Variants in TBC1D4 observed in about 807,000 individuals in gnomAD.
TBC1D4 encodes TBC1 domain family member 4.
A neutral mutation model predicts 142.5 loss-of-function variants in TBC1D4; 121 were observed. The ratio of observed to expected loss-of-function variants is 0.85; its 90% CI spans 0.73 to 0.99. The LOEUF is 0.99. Ranked by LOEUF, TBC1D4 falls within the 50% of genes least tolerant of loss-of-function variation. The pLI, the probability that TBC1D4 is intolerant of heterozygous loss-of-function variation, is 0.00. For synonymous variants in TBC1D4, 630 were observed against 628.2 expected (o/e 1.00, Z -0.04); for missense variants, 1,475 against 1,606.6 (o/e 0.92, Z 1.40).
intron 18 of TBC1D4, among the ~76,000 whole-genome samples, chr13:75,293,452 A>C (rs945621310): frequency 6.6e-6 from 1 of 152,110 alleles, no homozygotes; most frequent in Non-Finnish European, 1.5e-5. Context: ...TGTTTCTTGA[A>C]CTCTTGATAT....
chr13:75,458,713 G>A (rs1046432385), intron 1 of TBC1D4, among the ~76,000 whole-genome samples: 1 of 151,854 alleles, frequency 6.6e-6, no homozygotes, highest in East Asian at 2.0e-4. Context: ...ATTTCTACAA[G>A]TATAATTTTT....
At chr13:75,377,118 A>G (rs1883555181) in intron 1 of TBC1D4, 1 of 152,248 alleles carries the variant, frequency 6.6e-6, no homozygotes, top group African/African-American at 2.4e-5. Context: ...TCAGTGCAAC[A>G]CAAGATTCTC....
At chr13:75,374,236 C>T (rs1213334174) in intron 1 of TBC1D4, among the ~76,000 whole-genome samples, 1 of 152,092 alleles carries the variant, frequency 6.6e-6, no homozygotes, top group African/African-American at 2.4e-5. Flanking sequence ...TCTCCCTCCA[C>T]AGAACTCAAT....
chr13:75,409,828 A>G (rs1885529389), intron 1 of TBC1D4, among the ~76,000 whole-genome samples: 1 of 152,336 alleles, frequency 6.6e-6, no homozygotes, highest in Admixed American at 6.5e-5. Flanking sequence ...ATAGCTATAA[A>G]GGTCCCTTCT....
chr13:75,359,684 G>T, intron 3 of TBC1D4, 85 bp downstream of exon 3: 1 of 1,062,904 alleles, frequency 9.4e-7, no homozygotes, highest in Non-Finnish European at 1.4e-6. Flanking sequence ...ATTAAAATTT[G>T]AAGGGGGTCA....
At chr13:75,468,737 C>T (rs577872230) in intron 1 of TBC1D4, among the ~76,000 whole-genome samples, 36 of 152,290 alleles carry the variant, frequency 2.4e-4, no homozygotes, top group Non-Finnish European at 4.4e-4. Context: ...AACAAACATA[C>T]ATCTTTGCCA....
At chr13:75,439,631 TGGCAAG>T (rs1480553693) in intron 1 of TBC1D4, among the ~76,000 whole-genome samples, 30 of 152,304 alleles carry the variant, frequency 2.0e-4, no homozygotes, top group African/African-American at 6.5e-4. Flanking sequence ...TTAGAAAAAC[TGGCAAG>T]GTTTTTGTTG....
intron 1 of TBC1D4, among the ~76,000 whole-genome samples, chr13:75,367,416 AC>A (rs1404649220): frequency 6.6e-6 from 1 of 152,198 alleles, no homozygotes; most frequent in African/African-American, 2.4e-5. Context: ...ACATATTTAA[AC>A]AAAAAAGAAC....
intron 8 of TBC1D4, among the ~76,000 whole-genome samples, chr13:75,332,112 T>A (rs548154128): frequency 5.3e-5 from 8 of 152,320 alleles, no homozygotes; most frequent in African/African-American, 1.7e-4. Flanking sequence ...AAAAAAGACT[T>A]CAAAGTTGGC....
At chr13:75,316,395 A>T (rs1878320857) in intron 12 of TBC1D4, 1 of 152,202 alleles carries the variant, frequency 6.6e-6, no homozygotes, top group Non-Finnish European at 1.5e-5. Flanking sequence ...CCATGTCTGG[A>T]ATTTACTGAC....
At chr13:75,428,869 T>C (rs1241800366) in intron 1 of TBC1D4, among the ~76,000 whole-genome samples, 1 of 152,192 alleles carries the variant, frequency 6.6e-6, no homozygotes, top group East Asian at 1.9e-4. Flanking sequence ...CTCCCATATT[T>C]CCAGCCATGA....
At chr13:75,475,088 G>A (rs1046803870) in intron 1 of TBC1D4, among the ~76,000 whole-genome samples, 1 of 152,140 alleles carries the variant, frequency 6.6e-6, no homozygotes, top group African/African-American at 2.4e-5. Context: ...CTCAATAAAC[G>A]TTCACTTTTA....
At chr13:75,331,450 T>C (rs931189045) in intron 8 of TBC1D4, among the ~76,000 whole-genome samples, 1 of 152,116 alleles carries the variant, frequency 6.6e-6, no homozygotes, top group Non-Finnish European at 1.5e-5. Context: ...CAGTGAGCTA[T>C]GATCACACCA....
intron 1 of TBC1D4, among the ~76,000 whole-genome samples, chr13:75,476,153 G>A (rs1251704250): frequency 6.6e-6 from 1 of 152,166 alleles, no homozygotes; most frequent in African/African-American, 2.4e-5. Context: ...TGAGGCAGGA[G>A]AATCACTTGA....
At chr13:75,294,344 T>C (rs756003495) in intron 18 of TBC1D4, among the ~76,000 whole-genome samples, 2 of 152,188 alleles carry the variant, frequency 1.3e-5, no homozygotes, top group African/African-American at 4.8e-5. Context: ...CAGCACTGCA[T>C]TGGCATGAAA....
At chr13:75,333,129 A>G (rs1014007940) in intron 8 of TBC1D4, among the ~76,000 whole-genome samples, 2 of 152,214 alleles carry the variant, frequency 1.3e-5, no homozygotes, top group Admixed American at 1.3e-4. Flanking sequence ...ATCACTAAGG[A>G]AGACACTTAT....
intron 1 of TBC1D4, among the ~76,000 whole-genome samples, chr13:75,476,437 T>C (rs1259889322): frequency 6.6e-6 from 1 of 152,220 alleles, no homozygotes; most frequent in African/African-American, 2.4e-5. Context: ...TTAAAACACT[T>C]TGGACTTCAG....
chr13:75,437,253 G>A (rs1439753376), intron 1 of TBC1D4, among the ~76,000 whole-genome samples: 1 of 152,158 alleles, frequency 6.6e-6, no homozygotes, highest in Non-Finnish European at 1.5e-5. Context: ...TAGCACGGTG[G>A]TTATCTAATG....
chr13:75,432,094 C>T (rs895457161), intron 1 of TBC1D4, among the ~76,000 whole-genome samples: 11 of 152,104 alleles, frequency 7.2e-5, no homozygotes, highest in African/African-American at 2.7e-4. Flanking sequence ...CTAGCTTAAG[C>T]AAATAAAGAG....
Sources: allele counts gnomAD v4.1 joint callset (sites outside exome capture counted in the v4.1 genomes callset), GRCh38; gene constraint gnomAD v4.1.1; transcripts MANE v1.5; gene names NCBI Gene and HGNC (gene_info 2026-07-23, HGNC 2026-07-21).